DNMBP: variants seen among roughly 807,000 people sequenced by gnomAD.
The protein encoded by DNMBP is dynamin-binding protein.
In DNMBP, 87 loss-of-function variants were observed where a neutral mutation model predicts 150.0. The ratio of observed to expected loss-of-function variants is 0.58; its 90% CI spans 0.49 to 0.69. The LOEUF (loss-of-function observed/expected upper bound fraction) is 0.69, where lower values mean the gene tolerates loss of function less well. Among genes scored for constraint, DNMBP ranks in the 30% least tolerant of loss-of-function variants. The pLI, the probability that DNMBP is intolerant of heterozygous loss-of-function variation, is 0.00. For missense variants in DNMBP, 1,774 were observed against 1,949.0 expected, an observed-to-expected ratio of 0.91 and a Z score of 1.69; for synonymous variants, 711 against 750.4, an observed-to-expected ratio of 0.95 and a Z score of 0.86.
At chr10:99,979,115 G>T (rs1184041539) in intron 1 of DNMBP, among the ~76,000 whole-genome samples, 1 of 152,068 alleles carries the variant, frequency 6.6e-6, no homozygotes, top group Non-Finnish European at 1.5e-5. Context: ...AAGCCAAATG[G>T]CATCAACCAA....
chr10:99,912,467 C>G (rs976537521), intron 4 of DNMBP, among the ~76,000 whole-genome samples: 6 of 152,042 alleles, frequency 3.9e-5, no homozygotes. Context: ...TTTAAACTAC[C>G]AGCGTGCCTT....
rs117169850 is a variant in DNMBP at position 99,903,782 on chromosome 10, G to A, written c.2555-3716C>T. On this transcript the variant is annotated intron_variant, in intron 6 of 16. Coordinates refer to ENST00000324109, the MANE Select transcript of DNMBP (RefSeq NM_015221.4). Reference sequence around the variant, plus strand: ...AGACATGATTTACATTCAATTCGCCGTTCTTCAACTTCCCTGATAGTCACT... The same window carrying A: ...AGACATGATTTACATTCAATTCGCCATTCTTCAACTTCCCTGATAGTCACT... Among the ~76,000 whole-genome samples, 880 of 152,228 alleles carry A rather than the reference G, an allele frequency of 5.8e-3. 6 individuals carry two copies. Among genetic ancestry groups the A allele is most frequent in the Non-Finnish European group, 8.5e-3 (579 of 68,016 alleles).
At chr10:99,923,504 T>C (rs2040045483) in intron 4 of DNMBP, among the ~76,000 whole-genome samples, 1 of 152,038 alleles carries the variant, frequency 6.6e-6, no homozygotes, top group Non-Finnish European at 1.5e-5. Context: ...GAGGCTCAGT[T>C]CTCAGGCACC....
chr10:99,943,819 T>A (rs191460245), intron 4 of DNMBP, among the ~76,000 whole-genome samples: 19 of 152,352 alleles, frequency 1.2e-4, no homozygotes, highest in African/African-American at 4.6e-4. Context: ...ATATTACGTA[T>A]CACTTTAGTA....
chr10:99,983,548 G>A (rs2040800666), intron 1 of DNMBP, among the ~76,000 whole-genome samples: 1 of 152,186 alleles, frequency 6.6e-6, no homozygotes, highest in South Asian at 2.1e-4. Flanking sequence ...ACAGATGAGG[G>A]AAAAGCAGGA....
intron 1 of DNMBP, among the ~76,000 whole-genome samples, chr10:100,004,019 C>G (rs2041042471): frequency 6.6e-6 from 1 of 151,482 alleles, no homozygotes; most frequent in Non-Finnish European, 1.5e-5. Flanking sequence ...ATTGCTGGAG[C>G]CCGGGAGTTC....
chr10:99,915,621 G>A (rs1394771100), intron 4 of DNMBP, among the ~76,000 whole-genome samples: 1 of 152,046 alleles, frequency 6.6e-6, no homozygotes, highest in Non-Finnish European at 1.5e-5. Flanking sequence ...AGGCTGAAGT[G>A]GGAGGATCAC....
chr10:99,979,164 G>A lies in DNMBP; in HGVS notation c.-10-7030C>T, dbSNP rs2040759191. Among the ~76,000 whole-genome samples the A allele has an allele frequency of 5.3e-5, 8 of 152,182 alleles. 2 individuals carry two copies. In the South Asian group the frequency reaches 1.7e-3, roughly 32 times the overall value. ...CTAAAAATCTGGCTTGACTGGGTAAGCTAATCATTTGATGACCCTTCACCC... is the reference window on the plus strand; with the variant it reads ...CTAAAAATCTGGCTTGACTGGGTAAACTAATCATTTGATGACCCTTCACCC... On this transcript the variant is annotated intron_variant, in intron 1 of 16. Coordinates refer to ENST00000324109, the MANE Select transcript of DNMBP (RefSeq NM_015221.4).
At chr10:99,912,006 A>T (rs1213989784) in intron 4 of DNMBP, among the ~76,000 whole-genome samples, 2 of 152,224 alleles carry the variant, frequency 1.3e-5, no homozygotes, top group East Asian at 3.8e-4. Context: ...CTGAATTCCT[A>T]TCACATGCCA....
intron 1 of DNMBP, among the ~76,000 whole-genome samples, chr10:99,994,658 AT>A (rs1283410449): frequency 3.3e-5 from 5 of 152,212 alleles, no homozygotes; most frequent in Non-Finnish European, 5.9e-5. Flanking sequence ...AGATCCCTGC[AT>A]ATGGGTCCAG....
chr10:99,922,770 A>G (rs2040038185), intron 4 of DNMBP, among the ~76,000 whole-genome samples: 1 of 152,070 alleles, frequency 6.6e-6, no homozygotes, highest in South Asian at 2.1e-4. Context: ...GAGCATTCCA[A>G]TCTTGGAAGA....
intron 4 of DNMBP, among the ~76,000 whole-genome samples, chr10:99,912,820 T>A (rs965545749): frequency 1.3e-5 from 2 of 152,192 alleles, no homozygotes; most frequent in Non-Finnish European, 2.9e-5. Flanking sequence ...TCACTGCTCC[T>A]GGCAACCCAA....
intron 16 of DNMBP, among the ~76,000 whole-genome samples, chr10:99,878,189 AAAAG>A (rs1433163778): frequency 6.6e-6 from 1 of 152,244 alleles, no homozygotes; most frequent in African/African-American, 2.4e-5. Flanking sequence ...CAAATTATGA[AAAAG>A]AAAAACCAGA....
chr10:99,912,644 G>A (rs995552038), intron 4 of DNMBP, among the ~76,000 whole-genome samples: 10 of 152,210 alleles, frequency 6.6e-5, no homozygotes, highest in Admixed American at 2.6e-4. Flanking sequence ...GGGTGGGACC[G>A]GGGTATCCGC....
Position 99,877,037 on chromosome 10 carries a change from A to T in DNMBP, c.*114T>A. Reference sequence around the variant, plus strand: ...TGGTGTGCTCCACCATGCCATGGTTAAGCAACGCAGACAGGGCCTGTGTCT... The same window carrying T: ...TGGTGTGCTCCACCATGCCATGGTTTAGCAACGCAGACAGGGCCTGTGTCT... On this transcript the variant is annotated 3_prime_UTR_variant, in exon 17 of 17. Transcript: ENST00000324109. The T allele has an allele frequency of 3.4e-6, 3 of 894,254 alleles. No individual in the cohort carries two copies. The highest frequency in any genetic ancestry group is 5.1e-6 in the Non-Finnish European group (3 of 585,302). 55.4% of individuals were successfully genotyped at this position (894,254 alleles called of 1,614,324 possible). A position where few individuals can be genotyped will look rare whatever the true frequency, so the allele number is the denominator to read the frequency against.
chr10:99,999,897 G>T (rs920569791), intron 1 of DNMBP, among the ~76,000 whole-genome samples: 2 of 152,190 alleles, frequency 1.3e-5, no homozygotes, highest in Non-Finnish European at 2.9e-5. Flanking sequence ...GTAGGCACTG[G>T]TAAGTGTCAG....
intron 4 of DNMBP, among the ~76,000 whole-genome samples, chr10:99,941,733 G>T (rs1024908208): frequency 6.6e-6 from 1 of 152,216 alleles, no homozygotes; most frequent in Non-Finnish European, 1.5e-5. Flanking sequence ...CTCCCAAAGT[G>T]CTGGGATTAC....
chr10:99,978,787 G>A (rs1310890574), intron 1 of DNMBP, among the ~76,000 whole-genome samples: 1 of 152,110 alleles, frequency 6.6e-6, no homozygotes, highest in Non-Finnish European at 1.5e-5. Context: ...GCCCAGGCTG[G>A]TGGTCTTGAA....
intron 6 of DNMBP, among the ~76,000 whole-genome samples, chr10:99,901,559 AG>A (rs149828275): frequency 1.8e-4 from 28 of 152,292 alleles, no homozygotes; most frequent in African/African-American, 6.5e-4. Flanking sequence ...AGTTAGGCAT[AG>A]GAACAGTTCC....
Sources: allele counts gnomAD v4.1 joint callset (sites outside exome capture counted in the v4.1 genomes callset), GRCh38; gene constraint gnomAD v4.1.1; transcripts MANE v1.5; gene names NCBI Gene and HGNC (gene_info 2026-07-23, HGNC 2026-07-21).